The following ANKRD44 variants were observed in gnomAD, a reference collection of about 807,000 sequenced individuals.
ANKRD44 encodes the protein ankyrin repeat domain 44.
In ANKRD44, 35 loss-of-function variants were observed where a neutral mutation model predicts 116.0. The ratio of observed to expected loss-of-function variants is 0.30; its 90% CI spans 0.23 to 0.40. ANKRD44 has a LOEUF of 0.40. ANKRD44 is among the 10% of genes least tolerant of loss of function. ANKRD44 has a pLI of 1.00. For missense variants in ANKRD44, 1,014 were observed against 1,242.6 expected, an observed-to-expected ratio of 0.82 and a Z score of 2.77; for synonymous variants, 435 against 461.8, an observed-to-expected ratio of 0.94 and a Z score of 0.74.
At chr2:197,100,006 C>T (rs1022579250) in intron 9 of ANKRD44, 76 bp from the exon 10 acceptor site, 6 of 1,285,078 alleles carry the variant, frequency 4.7e-6, no homozygotes, top group East Asian at 2.3e-5. Context: ...GCTAGTCTCT[C>T]GTATCAACCA....
At position 197,110,750 on chromosome 2, in the gene ANKRD44, G is replaced by A. The variant is rs755817320; in HGVS notation, c.985+16C>T. On this transcript the variant is annotated intron_variant, in intron 9 of 27. Transcript: ENST00000282272. ...AAACTATCGAAATAATGACACTACT[G>A]AAGCATCTCTCTTACCATTCTGAAT... 23 of 1,604,816 alleles carry A rather than the reference G, an allele frequency of 1.4e-5. No homozygotes were observed. The South Asian group carries it at 2.3e-4, about 16-fold the overall frequency.
At chr2:197,043,546 C>A (rs1490747426) in intron 16 of ANKRD44, among the ~76,000 whole-genome samples, 1 of 152,014 alleles carries the variant, frequency 6.6e-6, no homozygotes, top group African/African-American at 2.4e-5. Flanking sequence ...CTTTCTTACA[C>A]CCTAAAAATT....
chr2:197,037,812 C>T (rs533055556), intron 16 of ANKRD44, among the ~76,000 whole-genome samples: 4 of 152,024 alleles, frequency 2.6e-5, no homozygotes, highest in African/African-American at 9.7e-5. Context: ...ATATAGTGGT[C>T]GTGCCTATAG....
chr2:197,186,922 C>T, intron 2 of ANKRD44, 101 bp downstream of exon 2: 1 of 891,488 alleles, frequency 1.1e-6, no homozygotes, highest in Non-Finnish European at 1.8e-6. Context: ...CAGTCTGGAG[C>T]TTTCACCAGA....
intron 2 of ANKRD44, among the ~76,000 whole-genome samples, chr2:197,173,898 T>G (rs1461371515): frequency 2.6e-5 from 4 of 152,152 alleles, no homozygotes. Flanking sequence ...CCGGGCATGG[T>G]AGCACATGTC....
At chr2:197,186,888 G>T (rs1285723185) in intron 2 of ANKRD44, 135 bp downstream of exon 2, 5 of 670,662 alleles carry the variant, frequency 7.5e-6, no homozygotes, top group East Asian at 2.5e-5. Flanking sequence ...CTTATATAGG[G>T]TTTAAGAACA....
chr2:197,003,226 G>A (rs965456125), intron 21 of ANKRD44, among the ~76,000 whole-genome samples: 7 of 151,724 alleles, frequency 4.6e-5, no homozygotes, highest in African/African-American at 1.5e-4. Context: ...CAGGAGAATC[G>A]CTTGAACCCA....
intron 1 of ANKRD44, among the ~76,000 whole-genome samples, chr2:197,217,487 G>T (rs1559158427): frequency 6.6e-6 from 1 of 152,182 alleles, no homozygotes; most frequent in Non-Finnish European, 1.5e-5. Context: ...AGCAGTATTT[G>T]CTTGAATGAC....
chr2:197,100,058 C>T lies in ANKRD44; in HGVS notation c.986-128G>A, dbSNP rs192178168. On this transcript the variant is annotated intron_variant, in intron 9 of 27. Coordinates refer to ENST00000282272, the MANE Select transcript of ANKRD44 (RefSeq NM_001195144.2). ...CTATTCCAGTTGTGCATCTTTGCTC[C>T]GAAATACAAGAATGCTTTTAAAGGG... 2.2e-4 allele frequency: 179 copies of T among 811,706 alleles called. No homozygotes were observed. In the African/African-American group the frequency reaches 2.8e-3, roughly 13 times the overall value. 50.3% of individuals were successfully genotyped at this position (811,706 alleles called of 1,614,324 possible).
At chr2:197,116,085 G>A (rs2078700358) in intron 8 of ANKRD44, among the ~76,000 whole-genome samples, 1 of 152,184 alleles carries the variant, frequency 6.6e-6, no homozygotes, top group African/African-American at 2.4e-5. Flanking sequence ...CTCCATTTGT[G>A]GAAGGGAAGA....
intron 18 of ANKRD44, among the ~76,000 whole-genome samples, chr2:197,010,418 C>T (rs1242855229): frequency 1.3e-5 from 2 of 152,170 alleles, no homozygotes; most frequent in East Asian, 1.9e-4. Context: ...CCCCCTGCCC[C>T]TCCTCGCCCA....
intron 17 of ANKRD44, among the ~76,000 whole-genome samples, chr2:197,019,934 T>C (rs2076465489): frequency 1.3e-5 from 2 of 151,966 alleles, no homozygotes; most frequent in Admixed American, 6.6e-5. Context: ...GTAGATGAGA[T>C]TACAGGTGCA....
At chr2:197,237,010 C>G (rs761579976) in intron 1 of ANKRD44, among the ~76,000 whole-genome samples, 74 of 152,262 alleles carry the variant, frequency 4.9e-4, no homozygotes, top group Middle Eastern at 6.8e-3. Flanking sequence ...TTCTTTGATG[C>G]CCTGGCAGCG....
intron 1 of ANKRD44, among the ~76,000 whole-genome samples, chr2:197,188,593 A>G (rs753536748): frequency 2.6e-5 from 4 of 152,204 alleles, no homozygotes; most frequent in Non-Finnish European, 5.9e-5. Context: ...TAACCTCCTC[A>G]TGGGATTGTT....
chr2:197,305,967 T>TTAATATATATATATA (rs2084058150), intron 1 of ANKRD44, among the ~76,000 whole-genome samples: 1 of 124,736 alleles, frequency 8.0e-6, no homozygotes, highest in African/African-American at 3.6e-5. Context: ...GCAGTTCGTT[T>TTAATATATATATATA]TATATATATA....
At chr2:197,115,818 T>C (rs2078694903) in intron 8 of ANKRD44, among the ~76,000 whole-genome samples, 2 of 152,200 alleles carry the variant, frequency 1.3e-5, no homozygotes, top group African/African-American at 4.8e-5. Flanking sequence ...AAATGTTAGA[T>C]GATCCGTGCA....
intron 21 of ANKRD44, among the ~76,000 whole-genome samples, chr2:196,971,048 G>C (rs2075711876): frequency 1.3e-5 from 2 of 151,672 alleles, no homozygotes. Context: ...TTGTCCATAG[G>C]CATATTCAAT....
rs2077801071 is a variant in ANKRD44, at chr2:197,081,698, A to G, written c.1485T>C (p.Asp495=). 6.2e-7 allele frequency: 1 copy of G among 1,613,876 alleles called. No homozygotes were observed. Among genetic ancestry groups the G allele is most frequent in the South Asian group, 1.1e-5 (1 of 91,068 alleles). ...RNKTILGNAH[D]NSEELERARE... is the part of the protein sequence containing the mutation. The stretch of plus-strand genomic sequence containing the variant: ...TGGCTCTTTCAAGTTCTTCTGAATT[A>G]TCATGGGCATTTCCTAAGATAGTCT... Residue 495 remains aspartate, a synonymous_variant, in exon 15 of 28, where the codon GAT becomes GAC. Coordinates refer to ENST00000282272, the MANE Select transcript of ANKRD44 (RefSeq NM_001195144.2).
At chr2:197,013,986 C>A (rs1364524917) in intron 17 of ANKRD44, among the ~76,000 whole-genome samples, 1 of 152,186 alleles carries the variant, frequency 6.6e-6, no homozygotes, top group African/African-American at 2.4e-5. Context: ...TTAATGTATT[C>A]TTATATTTAT....
Sources: gnomAD v4.1 joint callset for allele counts (sites outside exome capture counted in the v4.1 genomes callset) on GRCh38, gnomAD v4.1.1 for gene constraint, MANE v1.5 for transcripts, NCBI Gene and HGNC (gene_info 2026-07-23, HGNC 2026-07-21) for gene names.